Variants in AKAP10 observed in about 807,000 individuals in gnomAD.
AKAP10 encodes A-kinase anchoring protein 10.
A neutral mutation model predicts 80.8 loss-of-function variants in AKAP10; 24 were observed. That is an observed-to-expected ratio of 0.30 (90% CI 0.22 to 0.42). The LOEUF is 0.42. Ranked by LOEUF, AKAP10 falls within the 10% of genes least tolerant of loss-of-function variation. The probability of loss-of-function intolerance (pLI) is 1.00; values close to 1 mark genes in which losing one functional copy is unlikely to be tolerated. For missense variants in AKAP10, 661 were observed against 794.9 expected (o/e 0.83, Z 2.03); for synonymous variants, 291 against 277.7 (o/e 1.05, Z -0.48).
intron 8 of AKAP10, among the ~76,000 whole-genome samples, chr17:19,937,962 G>A (rs981224800): frequency 6.6e-6 from 1 of 151,870 alleles, no homozygotes; most frequent in Non-Finnish European, 1.5e-5. Flanking sequence ...TCTGAGACAG[G>A]GGGACTGGAA....
rs137962961 is a variant in AKAP10 at position 19,959,049 on chromosome 17, C to T, written c.320-478G>A. On this transcript the variant is annotated intron_variant, in intron 3 of 14. Coordinates refer to ENST00000225737, the MANE Select transcript of AKAP10 (RefSeq NM_007202.4). Reference sequence around the variant, plus strand: ...TGTACTTTTAGTAGAGATTCGGTTTCACCATGTTGGTCAGGATGGTCTCAA... The same window carrying T: ...TGTACTTTTAGTAGAGATTCGGTTTTACCATGTTGGTCAGGATGGTCTCAA... Among the ~76,000 whole-genome samples the T allele has an allele frequency of 3.6e-3, 553 of 152,048 alleles. 3 individuals are homozygous for T. Among genetic ancestry groups the T allele is most frequent in the African/African-American group, 0.012 (509 of 41,502 alleles).
chr17:19,916,305 G>A (rs140115943), intron 12 of AKAP10, among the ~76,000 whole-genome samples: 500 of 152,092 alleles, frequency 3.3e-3, no homozygotes, highest in African/African-American at 0.011. Flanking sequence ...TACTGTCTCC[G>A]CCAATATAAT....
At chr17:19,914,390 C>G (rs192350218) in intron 12 of AKAP10, among the ~76,000 whole-genome samples, 1 of 152,112 alleles carries the variant, frequency 6.6e-6, no homozygotes, top group Non-Finnish European at 1.5e-5. Context: ...GTGGCTCACT[C>G]CTATAATCCC....
At chr17:19,930,926 G>A (rs998758348) in intron 10 of AKAP10, among the ~76,000 whole-genome samples, 3 of 152,014 alleles carry the variant, frequency 2.0e-5, no homozygotes, top group Non-Finnish European at 4.4e-5. Context: ...GGCCAGGCTG[G>A]TCTCCATCTC....
chr17:19,935,213 A>G (rs556584344), intron 9 of AKAP10, among the ~76,000 whole-genome samples: 4 of 152,280 alleles, frequency 2.6e-5, no homozygotes, highest in African/African-American at 9.6e-5. Flanking sequence ...CACTATTGCA[A>G]TGGTAAGAAT....
At chr17:19,944,129 A>C (rs1483504253) in intron 5 of AKAP10, among the ~76,000 whole-genome samples, 2 of 152,002 alleles carry the variant, frequency 1.3e-5, no homozygotes, top group African/African-American at 4.8e-5. Context: ...CACATCTTTC[A>C]ACTCACCTGC....
At chr17:19,929,308 T>C (rs1184899554) in intron 10 of AKAP10, 1 of 152,194 alleles carries the variant, frequency 6.6e-6, no homozygotes, top group African/African-American at 2.4e-5. Context: ...TGTGACCATA[T>C]AAAAACCACT....
chr17:19,947,097 G>A (rs1260791104), intron 5 of AKAP10: 11 of 317,026 alleles, frequency 3.5e-5, no homozygotes, highest in South Asian at 7.0e-5. Flanking sequence ...CGGGGCTGCC[G>A]GCCAGTCCAT....
In AKAP10 at chr17:19,956,919, A is replaced by AGGAG. The variant is rs1185077411; in HGVS notation, c.877+1091_877+1094dup. Among the ~76,000 whole-genome samples the AGGAG allele has an allele frequency of 2.0e-5, 3 of 151,642 alleles. 1 individual carries two copies. Among genetic ancestry groups the AGGAG allele is most frequent in the South Asian group, 2.1e-4 (1 of 4,788 alleles). ...CTCGGGAGCCTGGTTGAGGGAAGGA[A>AGGAG]GGAGGGAGGGAGGGAGGAAGGAAAT... is the stretch of plus-strand genomic sequence containing the variant. On this transcript the variant is annotated intron_variant, in intron 4 of 14. Coordinates refer to ENST00000225737, the MANE Select transcript of AKAP10 (RefSeq NM_007202.4).
At chr17:19,907,460 GAGTACA>G (rs1338848555) in intron 14 of AKAP10, among the ~76,000 whole-genome samples, 1 of 147,686 alleles carries the variant, frequency 6.8e-6, no homozygotes, top group Non-Finnish European at 1.5e-5. Context: ...GTCCAGGCTG[GAGTACA>G]AGTGGCACAA....
chr17:19,922,677 G>T (rs1008250977), intron 11 of AKAP10, among the ~76,000 whole-genome samples: 8 of 152,142 alleles, frequency 5.3e-5, no homozygotes, highest in Non-Finnish European at 1.0e-4. Flanking sequence ...AAGGCGGGTG[G>T]ATCACGAGGT....
At chr17:19,976,304 G>A (rs1284386090) in intron 1 of AKAP10, among the ~76,000 whole-genome samples, 2 of 152,016 alleles carry the variant, frequency 1.3e-5, no homozygotes, top group African/African-American at 4.8e-5. Context: ...CTAACATGGT[G>A]AAGCCCCGTT....
In AKAP10 at chr17:19,968,322, T is replaced by C. The variant is rs930554931; in HGVS notation, c.136+92A>G. ...TATAAAATAAGGCAGAAATGATTAA[T>C]GCCAAAAGAGAGAGTATAACAGGAT... On this transcript the variant is annotated intron_variant, in intron 2 of 14. Transcript: ENST00000225737. 21 of 963,178 alleles carry C rather than the reference T, an allele frequency of 2.2e-5. No individual in the cohort carries two copies. The African/African-American group carries it at 3.0e-4, about 14-fold the overall frequency. The allele number at this position is 963,178 out of a possible 1,614,324, so 59.7% of individuals were successfully genotyped here.
chr17:19,958,384 T>C lies in AKAP10; in HGVS notation c.507A>G (p.Ile169Met), dbSNP rs1208698440. Residue 169 changes from isoleucine to methionine, a missense_variant, in exon 4 of 15, where the codon ATA becomes ATG. Physicochemically the swap from Ile to Met is conservative, Grantham distance 10 (BLOSUM62 1). Coordinates refer to ENST00000225737, the MANE Select transcript of AKAP10 (RefSeq NM_007202.4). The part of the protein sequence containing the change: ...ESFHSTTWSR[I>M]RAHSLNTVKQ... ...TCACTGTGTTTAGACTGTGTGCTCT[T>C]ATTCGCGACCAAGTTGTTGAATGAA... 4 of 1,614,118 alleles carry C rather than the reference T, an allele frequency of 2.5e-6. No individual in the cohort carries two copies. In the Admixed American group the frequency reaches 5.0e-5, roughly 20 times the overall value.
chr17:19,942,056 T>C (rs749109058), intron 5 of AKAP10, 146 bp from the exon 6 acceptor site: 38 of 493,314 alleles, frequency 7.7e-5, no homozygotes, highest in Middle Eastern at 6.4e-4. Context: ...TAACACTTGA[T>C]CTTAAAATAG....
At chr17:19,946,222 T>TTATA (rs1170911920) in intron 5 of AKAP10, among the ~76,000 whole-genome samples, 24 of 33,958 alleles carry the variant, frequency 7.1e-4, no homozygotes, top group South Asian at 3.3e-3. Context: ...TATATATATT[T>TTATA]TATATATATA....
intron 12 of AKAP10, among the ~76,000 whole-genome samples, chr17:19,914,421 G>A (rs1481097837): frequency 6.6e-6 from 1 of 152,118 alleles, no homozygotes; most frequent in African/African-American, 2.4e-5. Context: ...GAGGCTGAGA[G>A]ATGTGGATTG....
In AKAP10 at chr17:19,910,339, A is replaced by AAAAAAAACAAAC. The variant is rs1425341451; in HGVS notation, c.1835-362_1835-361insGTTTGTTTTTTT. On this transcript the variant is annotated intron_variant, in intron 12 of 14. Coordinates refer to ENST00000225737, the MANE Select transcript of AKAP10 (RefSeq NM_007202.4). The stretch of plus-strand genomic sequence containing the variant: ...AGACTCCAACTCAAAAAAAAAAAAA[A>AAAAAAAACAAAC]AAACCACTATCACCACCACCACCAC... 1.6e-3 allele frequency among the ~76,000 whole-genome samples: 241 copies of AAAAAAAACAAAC among 151,608 alleles called. 1 individual carries two copies. Among genetic ancestry groups the AAAAAAAACAAAC allele is most frequent in the African/African-American group, 5.6e-3 (230 of 41,218 alleles).
At chr17:19,974,470 C>T (rs1597538052) in intron 1 of AKAP10, among the ~76,000 whole-genome samples, 1 of 152,178 alleles carries the variant, frequency 6.6e-6, no homozygotes, top group East Asian at 1.9e-4. Flanking sequence ...AATTCTTCTT[C>T]CAATGTGGCC....
Sources: gnomAD v4.1 joint callset for allele counts (sites outside exome capture counted in the v4.1 genomes callset) on GRCh38, gnomAD v4.1.1 for gene constraint, MANE v1.5 for transcripts, NCBI Gene and HGNC (gene_info 2026-07-23, HGNC 2026-07-21) for gene names.